Variants in PTPRQ observed in about 807,000 individuals in gnomAD.
The protein encoded by PTPRQ is protein tyrosine phosphatase receptor type Q.
PTPRQ carries 199 observed loss-of-function variants against 246.0 expected under a neutral mutation model. That is an observed-to-expected ratio of 0.81 (90% confidence interval 0.72 to 0.91). The LOEUF is 0.91. Ranked by LOEUF, PTPRQ falls within the 40% of genes least tolerant of loss-of-function variation. The pLI is 0.00. For missense variants in PTPRQ, 2,624 were observed against 2,528.4 expected, an observed-to-expected ratio of 1.04 and a Z score of -0.81; for synonymous variants, 869 against 853.2, an observed-to-expected ratio of 1.02 and a Z score of -0.32.
intron 8 of PTPRQ, among the ~76,000 whole-genome samples, chr12:80,479,932 T>C (rs1185629869): frequency 1.3e-5 from 2 of 151,488 alleles, no homozygotes; most frequent in Non-Finnish European, 3.0e-5. Flanking sequence ...TGGGAGACTT[T>C]AACACCCCAC....
chr12:80,511,114 A>G (rs961745531), intron 17 of PTPRQ, among the ~76,000 whole-genome samples: 1 of 152,184 alleles, frequency 6.6e-6, no homozygotes. Context: ...CAGAAAATAC[A>G]ATTTACACAA....
chr12:80,617,971 CA>C, intron 30 of PTPRQ, among the ~76,000 whole-genome samples: 1 of 151,408 alleles, frequency 6.6e-6, no homozygotes, highest in South Asian at 2.1e-4. Flanking sequence ...TTCCCTTTTA[CA>C]GGTGTCATAC....
chr12:80,638,272 A>AC (rs1043529389), intron 35 of PTPRQ, among the ~76,000 whole-genome samples: 2 of 151,508 alleles, frequency 1.3e-5, no homozygotes, highest in African/African-American at 4.9e-5. Context: ...TCCGTTAAAA[A>AC]AAAAAAAAAA....
chr12:80,522,867 G>T (rs2120762576), intron 17 of PTPRQ, among the ~76,000 whole-genome samples: 1 of 152,252 alleles, frequency 6.6e-6, no homozygotes, highest in Middle Eastern at 3.4e-3. Context: ...TCAGGATGAT[G>T]CTGGCATCAT....
At chr12:80,612,456 A>C (rs1592716430) in intron 28 of PTPRQ, among the ~76,000 whole-genome samples, 1 of 150,516 alleles carries the variant, frequency 6.6e-6, no homozygotes, top group Middle Eastern at 3.4e-3. Flanking sequence ...GAAAATGCAA[A>C]TTAAAGCCAC....
intron 25 of PTPRQ, among the ~76,000 whole-genome samples, chr12:80,551,636 T>C (rs999381894): frequency 2.6e-5 from 4 of 152,144 alleles, no homozygotes; most frequent in African/African-American, 9.7e-5. Flanking sequence ...GTGTAGGAGA[T>C]GGGTTAAAAT....
intron 7 of PTPRQ, among the ~76,000 whole-genome samples, chr12:80,469,291 T>G (rs2120532968): frequency 6.6e-6 from 1 of 152,284 alleles, no homozygotes; most frequent in South Asian, 2.1e-4. Flanking sequence ...TATTTTGCTG[T>G]GGACCTAAAA....
intron 35 of PTPRQ, among the ~76,000 whole-genome samples, chr12:80,641,881 CTT>C (rs1419765289): frequency 1.1e-4 from 16 of 151,684 alleles, no homozygotes; most frequent in Non-Finnish European, 1.6e-4. Flanking sequence ...CTCTCTCTCT[CTT>C]GCTCTCTCTC....
intron 17 of PTPRQ, among the ~76,000 whole-genome samples, chr12:80,520,398 T>G (rs552881712): frequency 6.6e-6 from 1 of 152,318 alleles, no homozygotes; most frequent in East Asian, 1.9e-4. Flanking sequence ...TTAGGGTACA[T>G]GTGCACAACG....
In PTPRQ at chr12:80,495,324, A is replaced by G. The variant is rs1340108344; in HGVS notation, c.1835A>G (p.Asn612Ser). Residue 612 changes from asparagine to serine, a missense_variant, in exon 12 of 45, where the codon AAC (asparagine) becomes AGC (serine). Transcript: ENST00000644991. The part of the protein sequence containing the change: ...YTIYAMELDT[N>S]RAFQITTIDN... ...ATTTATGCAATGGAATTGGATACAA[A>G]CAGAGCATTCCAGATAACTACCATA... 16 of 1,541,404 alleles carry G rather than the reference A, an allele frequency of 1.0e-5. No homozygotes were observed. The highest frequency in any genetic ancestry group is 1.7e-4 in the Middle Eastern group (1 of 5,942).
intron 25 of PTPRQ, among the ~76,000 whole-genome samples, chr12:80,577,636 G>C (rs1423080730): frequency 1.3e-5 from 2 of 152,080 alleles, no homozygotes; most frequent in Non-Finnish European, 2.9e-5. Flanking sequence ...GTTTTATTGA[G>C]AAATTTTTTA....
chr12:80,602,576 A>G (rs10862172), intron 26 of PTPRQ, among the ~76,000 whole-genome samples: 9,517 of 151,818 alleles, frequency 0.063, 902 homozygotes, highest in African/African-American at 0.2. Flanking sequence ...AAAGCAGAAG[A>G]GCAAGCTATC....
intron 17 of PTPRQ, among the ~76,000 whole-genome samples, chr12:80,533,102 A>G (rs1895890327): frequency 6.6e-6 from 1 of 152,192 alleles, no homozygotes; most frequent in Non-Finnish European, 1.5e-5. Flanking sequence ...TTTCAGTGTT[A>G]CTGATCATAT....
Position 80,646,034 on chromosome 12 carries a change from A to G in PTPRQ, c.5916-2863A>G, listed in dbSNP as rs559178835. ...ATATTCGTGACTACTATATTTTAGC[A>G]CAATATAGTCTATCCATCTTTGAGT... On this transcript the variant is annotated intron_variant, in intron 35 of 44. Coordinates refer to ENST00000644991, the MANE Select transcript of PTPRQ (RefSeq NM_001145026.2). Among the ~76,000 whole-genome samples, 9 of 152,304 alleles carry G rather than the reference A, an allele frequency of 5.9e-5. No individual in the cohort carries two copies. The South Asian group carries it at 1.7e-3, about 28-fold the overall frequency.
chr12:80,565,234 T>C (rs1896943336), intron 25 of PTPRQ, among the ~76,000 whole-genome samples: 1 of 152,194 alleles, frequency 6.6e-6, no homozygotes, highest in South Asian at 2.1e-4. Context: ...TAATTCCTTT[T>C]ATAAAAAGTG....
chr12:80,667,003 C>T (rs1023770373), intron 39 of PTPRQ, among the ~76,000 whole-genome samples: 1 of 151,992 alleles, frequency 6.6e-6, no homozygotes, highest in Non-Finnish European at 1.5e-5. Context: ...TTAAACCACA[C>T]ACTATGTTTG....
intron 25 of PTPRQ, among the ~76,000 whole-genome samples, chr12:80,569,651 A>G (rs897176160): frequency 6.6e-6 from 1 of 151,552 alleles, no homozygotes; most frequent in Non-Finnish European, 1.5e-5. Context: ...GGTTTCTTAC[A>G]TAGGTATATG....
chr12:80,551,091 T>G (rs1259146478), intron 25 of PTPRQ, among the ~76,000 whole-genome samples: 1 of 152,130 alleles, frequency 6.6e-6, no homozygotes, highest in East Asian at 1.9e-4. Flanking sequence ...TTCTAATATC[T>G]CCTGCATTTA....
Position 80,472,113 on chromosome 12 carries a change from T to C in PTPRQ, c.1048T>C (p.Leu350=). The change falls in exon 8 of 45, where the codon TTG becomes CTG. Residue 350 remains leucine (L), a synonymous_variant. Transcript: ENST00000644991. ...VELYGPSGRI[L]DNSTKDLKFA... is the part of the protein sequence containing the mutation. Reference sequence around the variant, plus strand: ...TCTTCCACTTTTTGCAGGTCGCATTTTGGATAACAGCACAAAAGACCTCAA... The same window carrying C: ...TCTTCCACTTTTTGCAGGTCGCATTCTGGATAACAGCACAAAAGACCTCAA... 2 of 1,551,010 alleles carry C rather than the reference T, an allele frequency of 1.3e-6. No individual in the cohort carries two copies. Among genetic ancestry groups the C allele is most frequent in the Admixed American group, 2.0e-5 (1 of 50,818 alleles).
Sources: gnomAD v4.1 joint callset for allele counts (sites outside exome capture counted in the v4.1 genomes callset) on GRCh38, gnomAD v4.1.1 for gene constraint, MANE v1.5 for transcripts, NCBI Gene and HGNC (gene_info 2026-07-23, HGNC 2026-07-21) for gene names.